The following RANBP2 variants were observed in gnomAD, a reference collection of about 807,000 sequenced individuals.
The protein encoded by RANBP2 is E3 SUMO-protein ligase RanBP2.
Under a neutral mutation model 303.6 loss-of-function variants are expected in RANBP2, and 57 were observed. The ratio of observed to expected loss-of-function variants is 0.19; its 90% CI spans 0.15 to 0.23. RANBP2 has a LOEUF of 0.23. Among genes scored for constraint, RANBP2 ranks in the 10% least tolerant of loss-of-function variants. The probability of loss-of-function intolerance (pLI) is 1.00; values close to 1 mark genes in which losing one functional copy is unlikely to be tolerated. For synonymous variants in RANBP2, 1,167 were observed against 1,301.5 expected (o/e 0.90, Z 2.23); for missense variants, 3,138 against 3,780.8 (o/e 0.83, Z 4.46).
the RANBP2 span, among the ~76,000 whole-genome samples, chr2:109,539,187 A>G: frequency 2.0e-5 from 3 of 152,032 alleles, no homozygotes; most frequent in African/African-American, 7.2e-5. Flanking sequence ...AGTCCCAACT[A>G]TTCGGAAGGC....
At chr2:109,490,748 G>A in the RANBP2 span, 2 of 1,536,436 alleles carry the variant, frequency 1.3e-6, no homozygotes, top group Admixed American at 3.9e-5. Flanking sequence ...GCCCCGAAGT[G>A]TCCTCACTGT....
the RANBP2 span, among the ~76,000 whole-genome samples, chr2:109,403,888 C>T: frequency 6.6e-6 from 1 of 152,226 alleles, no homozygotes; most frequent in Non-Finnish European, 1.5e-5. Context: ...TGCGCCCCCA[C>T]CATGGCCACT....
intron 9 of RANBP2, 102 bp downstream of exon 9, chr2:108,749,231 C>T (rs1456804017): frequency 2.5e-6 from 4 of 1,576,354 alleles, no homozygotes; most frequent in Non-Finnish European, 3.5e-6. Flanking sequence ...TCCTGTATTC[C>T]TTTTGTGTGT....
the RANBP2 span, among the ~76,000 whole-genome samples, chr2:109,187,367 T>TTG: frequency 6.6e-6 from 1 of 151,910 alleles, no homozygotes; most frequent in Non-Finnish European, 1.5e-5. Context: ...CAGACTTTTT[T>TTG]TTTTTAAAGG....
chr2:109,640,089 T>G, the RANBP2 span, among the ~76,000 whole-genome samples: 1 of 151,478 alleles, frequency 6.6e-6, no homozygotes, highest in Non-Finnish European at 1.5e-5. Context: ...TTCCTTCTTC[T>G]GCCTTCTATT....
At chr2:108,849,735 C>G in the RANBP2 span, among the ~76,000 whole-genome samples, 318 of 152,338 alleles carry the variant, frequency 2.1e-3, 2 homozygotes, top group African/African-American at 7.1e-3. Context: ...TTCTCCCTTT[C>G]CTTATAGTCT....
At chr2:109,353,183 A>C in the RANBP2 span, among the ~76,000 whole-genome samples, 4 of 152,142 alleles carry the variant, frequency 2.6e-5, no homozygotes, top group Non-Finnish European at 4.4e-5. Flanking sequence ...TTGCTCCCTC[A>C]AGGGCCTGAT....
the RANBP2 span, among the ~76,000 whole-genome samples, chr2:109,707,101 C>G: frequency 1.3e-5 from 2 of 152,204 alleles, no homozygotes; most frequent in African/African-American, 2.4e-5. Context: ...TAGCATTTAA[C>G]AAATATTACT....
At chr2:109,613,723 CG>C in the RANBP2 span, 1 of 985,838 alleles carries the variant, frequency 1.0e-6, no homozygotes, top group Non-Finnish European at 1.3e-6. Context: ...ACCAGGGGGC[CG>C]GTGGGTCGAG....
chr2:108,786,035 C>T (rs1294803137), downstream of RANBP2, among the ~76,000 whole-genome samples: 1 of 144,962 alleles, frequency 6.9e-6, no homozygotes, highest in Admixed American at 6.7e-5. Flanking sequence ...CAGTTCCCCT[C>T]AGTCAGTTTT....
At chr2:109,646,905 T>G in the RANBP2 span, among the ~76,000 whole-genome samples, 1 of 152,184 alleles carries the variant, frequency 6.6e-6, no homozygotes, top group Non-Finnish European at 1.5e-5. Flanking sequence ...GTAAGCAAAA[T>G]GTTTACATTG....
At chr2:109,599,821 ACTC>A in the RANBP2 span, among the ~76,000 whole-genome samples, 97 of 152,204 alleles carry the variant, frequency 6.4e-4, 2 homozygotes, top group African/African-American at 1.6e-3. Context: ...TTTTAAAATT[ACTC>A]CTCCTAATTA....
At chr2:109,250,973 AGCT>A in the RANBP2 span, among the ~76,000 whole-genome samples, 1 of 151,942 alleles carries the variant, frequency 6.6e-6, no homozygotes, top group East Asian at 1.9e-4. Context: ...CATTCTGTAT[AGCT>A]TTTTTTTTCA....
the RANBP2 span, chr2:108,804,836 T>C: frequency 7.1e-7 from 1 of 1,416,746 alleles, no homozygotes; most frequent in Non-Finnish European, 9.2e-7. Context: ...ATAGTATTAG[T>C]GATATACAGT....
chr2:108,879,898 C>T, the RANBP2 span, among the ~76,000 whole-genome samples: 1 of 151,968 alleles, frequency 6.6e-6, no homozygotes, highest in Non-Finnish European at 1.5e-5. Flanking sequence ...AAGAAATTTT[C>T]TAGAGTAAAC....
the RANBP2 span, chr2:109,432,525 G>A: frequency 6.2e-7 from 1 of 1,613,616 alleles, no homozygotes; most frequent in Non-Finnish European, 8.5e-7. Flanking sequence ...ACGCCTACAA[G>A]CCCCAGAAGA....
chr2:109,414,582 G>A, the RANBP2 span, among the ~76,000 whole-genome samples: 1 of 152,114 alleles, frequency 6.6e-6, no homozygotes, highest in Non-Finnish European at 1.5e-5. Context: ...TAAGGGCTTT[G>A]CCACAAGACT....
chr2:109,251,312 T>G, the RANBP2 span: 3 of 425,712 alleles, frequency 7.0e-6, no homozygotes, highest in Admixed American at 3.4e-5. Context: ...CGGCCCAAAT[T>G]ATCTTTAACA....
At chr2:108,827,633 A>G in the RANBP2 span, among the ~76,000 whole-genome samples, 16 of 152,026 alleles carry the variant, frequency 1.1e-4, no homozygotes, top group South Asian at 2.1e-4. Context: ...TGGCTAACAC[A>G]GTGAAACCCC....
Sources: gnomAD v4.1 joint callset for allele counts (sites outside exome capture counted in the v4.1 genomes callset) on GRCh38, gnomAD v4.1.1 for gene constraint, MANE v1.5 for transcripts, NCBI Gene and HGNC (gene_info 2026-07-23, HGNC 2026-07-21) for gene names.